The following CSMD1 variants were observed in gnomAD, a reference collection of about 807,000 sequenced individuals.
CSMD1 encodes the protein CUB and sushi domain-containing protein 1.
In CSMD1, 213 loss-of-function variants were observed where a neutral mutation model predicts 417.5. The observed-to-expected ratio is 0.51, with a 90% CI of 0.46 to 0.57. CSMD1 has a LOEUF of 0.57. CSMD1 is among the 20% of genes least tolerant of loss of function. The pLI is 0.00. For missense variants in CSMD1, 6,923 were observed against 4,529.7 expected, an observed-to-expected ratio of 1.53 and a Z score of -15.17; for synonymous variants, 2,862 against 1,736.8, an observed-to-expected ratio of 1.65 and a Z score of -16.11.
At chr8:4,330,666 T>TA (rs1348976713) in intron 3 of CSMD1, among the ~76,000 whole-genome samples, 2 of 152,144 alleles carry the variant, frequency 1.3e-5, no homozygotes, top group African/African-American at 2.4e-5. Flanking sequence ...CTTATGCCTT[T>TA]AAGTTTTACA....
chr8:4,863,942 CTAAAA>C (rs72243256), intron 1 of CSMD1, among the ~76,000 whole-genome samples: 42,331 of 150,458 alleles, frequency 0.28, 6,159 homozygotes, highest in African/African-American at 0.32. Flanking sequence ...TAAATAAATC[CTAAAA>C]TAAATGTCAA....
intron 6 of CSMD1, among the ~76,000 whole-genome samples, chr8:3,752,980 T>G (rs1411671057): frequency 1.3e-5 from 2 of 152,182 alleles, no homozygotes; most frequent in Admixed American, 1.3e-4. Context: ...GGAGCTATAA[T>G]TAGATCCCTT....
At chr8:4,337,526 A>G (rs1800238927) in intron 3 of CSMD1, among the ~76,000 whole-genome samples, 1 of 152,152 alleles carries the variant, frequency 6.6e-6, no homozygotes. Flanking sequence ...TCAGATCGTA[A>G]CATTATTTTT....
chr8:4,416,413 T>C (rs900261052), intron 3 of CSMD1, among the ~76,000 whole-genome samples: 2 of 152,158 alleles, frequency 1.3e-5, no homozygotes, highest in African/African-American at 4.8e-5. Flanking sequence ...GAAGTCCATG[T>C]ATGATTTCCC....
chr8:3,805,120 T>C (rs917700962), intron 5 of CSMD1, among the ~76,000 whole-genome samples: 2 of 152,168 alleles, frequency 1.3e-5, no homozygotes, highest in African/African-American at 4.8e-5. Flanking sequence ...GGAAGGGGTC[T>C]AGAATTGCCT....
chr8:3,685,206 C>G (rs1337594951), intron 7 of CSMD1, among the ~76,000 whole-genome samples: 3 of 152,156 alleles, frequency 2.0e-5, no homozygotes, highest in Non-Finnish European at 4.4e-5. Flanking sequence ...AAAATTGAAG[C>G]CACTGCCCTT....
At chr8:3,496,793 G>A (rs1391016198) in intron 10 of CSMD1, among the ~76,000 whole-genome samples, 1 of 152,038 alleles carries the variant, frequency 6.6e-6, no homozygotes, top group Non-Finnish European at 1.5e-5. Context: ...CACCGCCACT[G>A]CACTCCAACC....
chr8:4,887,499 T>A (rs1186342026), intron 1 of CSMD1, among the ~76,000 whole-genome samples: 38 of 152,002 alleles, frequency 2.5e-4, no homozygotes, highest in Admixed American at 2.5e-3. Context: ...TTCATGATGC[T>A]ATTCAATTCT....
rs905050479 is a variant in CSMD1 at position 3,219,162 on chromosome 8, A to T, written c.4672+93T>A. 4.6e-5 allele frequency: 48 copies of T among 1,034,384 alleles called. No homozygotes were observed. The African/African-American group carries it at 7.7e-4, about 17-fold the overall frequency. The allele number at this position is 1,034,384 out of a possible 1,614,324, so 64.1% of individuals were successfully genotyped here. On this transcript the variant is annotated intron_variant, in intron 29 of 69. Transcript: ENST00000635120. ...AGACACATATCAGCATTTATGTATT[A>T]AACAGACAAGCAAGATGTTACAAAG...
chr8:3,746,434 G>A (rs867681540), intron 6 of CSMD1, among the ~76,000 whole-genome samples: 2 of 152,144 alleles, frequency 1.3e-5, no homozygotes, highest in Non-Finnish European at 2.9e-5. Flanking sequence ...TTTAGAGAAA[G>A]GAAGGATTTA....
In CSMD1 at chr8:3,910,507, T is replaced by C. The variant is rs141550062; in HGVS notation, c.818+87396A>G. Among the ~76,000 whole-genome samples, 437 of 152,300 alleles carry C rather than the reference T, an allele frequency of 2.9e-3. 1 individual carries two copies. Among genetic ancestry groups the C allele is most frequent in the Non-Finnish European group, 5.0e-3 (337 of 68,036 alleles). On this transcript the variant is annotated intron_variant, in intron 5 of 69. Coordinates refer to ENST00000635120, the MANE Select transcript of CSMD1 (RefSeq NM_033225.6). ...TTGAAAGTGAACCAAGTAAACATTATACAAATTTTACAAAGAAGTCAGATT... is the reference window on the plus strand; with the variant it reads ...TTGAAAGTGAACCAAGTAAACATTACACAAATTTTACAAAGAAGTCAGATT...
intron 3 of CSMD1, among the ~76,000 whole-genome samples, chr8:4,250,568 T>G (rs1232509962): frequency 6.6e-6 from 1 of 152,214 alleles, no homozygotes; most frequent in Non-Finnish European, 1.5e-5. Flanking sequence ...AAAGCTAATT[T>G]TCTTTTAATA....
intron 3 of CSMD1, among the ~76,000 whole-genome samples, chr8:4,315,044 G>A (rs117631746): frequency 1.8e-4 from 27 of 152,230 alleles, no homozygotes; most frequent in East Asian, 1.7e-3. Flanking sequence ...TCATGACTGC[G>A]TTGGCTTCCC....
chr8:4,216,518 A>T (rs1300079515), intron 3 of CSMD1, among the ~76,000 whole-genome samples: 2 of 152,116 alleles, frequency 1.3e-5, no homozygotes, highest in African/African-American at 4.8e-5. Flanking sequence ...CAGTACCCCC[A>T]CGGGACTAAG....
At chr8:4,186,719 G>T (rs115600675) in intron 3 of CSMD1, among the ~76,000 whole-genome samples, 15,045 of 151,724 alleles carry the variant, frequency 0.099, 1,268 homozygotes, top group African/African-American at 0.23. Flanking sequence ...GCGTACGGTC[G>T]CTCACACCTG....
chr8:3,838,846 T>A (rs1220486856), intron 5 of CSMD1, among the ~76,000 whole-genome samples: 1 of 121,172 alleles, frequency 8.3e-6, no homozygotes, highest in African/African-American at 3.4e-5. Flanking sequence ...TAATTATATA[T>A]ACTATTATAT....
At chr8:3,906,658 C>G (rs1319760410) in intron 5 of CSMD1, among the ~76,000 whole-genome samples, 1 of 151,120 alleles carries the variant, frequency 6.6e-6, no homozygotes, top group Non-Finnish European at 1.5e-5. Context: ...CAAAGTACAC[C>G]TTGCACAGCA....
intron 1 of CSMD1, among the ~76,000 whole-genome samples, chr8:4,653,170 G>A (rs979534264): frequency 2.6e-5 from 4 of 152,014 alleles, no homozygotes; most frequent in Non-Finnish European, 5.9e-5. Context: ...CTTAGGTGTT[G>A]AGTGATCTGA....
intron 4 of CSMD1, among the ~76,000 whole-genome samples, chr8:4,008,132 G>C (rs1050706980): frequency 6.6e-6 from 1 of 152,130 alleles, no homozygotes; most frequent in Admixed American, 6.5e-5. Flanking sequence ...AAGGCAGGTA[G>C]AGAAAACAAA....
Sources: gnomAD v4.1 joint callset for allele counts (sites outside exome capture counted in the v4.1 genomes callset) on GRCh38, gnomAD v4.1.1 for gene constraint, MANE v1.5 for transcripts, NCBI Gene and HGNC (gene_info 2026-07-23, HGNC 2026-07-21) for gene names.